Variants in ZNF732 observed in about 807,000 individuals in gnomAD.
ZNF732 encodes zinc finger protein LOC654254.
Under a neutral mutation model 11.5 loss-of-function variants are expected in ZNF732, and 12 were observed. The ratio of observed to expected loss-of-function variants is 1.05; its 90% CI spans 0.67 to 1.70. ZNF732 has a LOEUF of 1.70. Among genes scored for constraint, ZNF732 ranks in the 40% most tolerant of loss-of-function variants. The probability of loss-of-function intolerance (pLI) is 0.00; values close to 1 mark genes in which losing one functional copy is unlikely to be tolerated. For missense variants in ZNF732, 702 were observed against 676.9 expected, an observed-to-expected ratio of 1.04 and a Z score of -0.41; for synonymous variants, 231 against 236.5, an observed-to-expected ratio of 0.98 and a Z score of 0.21.
In ZNF732 at chr4:271,092, C is replaced by T. The variant is rs537037141; in HGVS notation, c.*7G>A. 28 of 1,500,010 alleles carry T rather than the reference C, an allele frequency of 1.9e-5. No individual in the cohort carries two copies. The African/African-American group carries it at 3.8e-4, about 20-fold the overall frequency. 92.9% of individuals were successfully genotyped at this position (1,500,010 alleles called of 1,614,324 possible). On this transcript the variant is annotated 3_prime_UTR_variant, in exon 4 of 4. Transcript: ENST00000419098. The stretch of plus-strand genomic sequence containing the variant: ...CATCCAAAGGCTTTGCCACATTCTT[C>T]ATATTTCTAGAGTTTCTCTCCAGTA...
intron 1 of ZNF732, among the ~76,000 whole-genome samples, chr4:298,384 G>A (rs953752297): frequency 1.3e-5 from 2 of 151,770 alleles, no homozygotes; most frequent in Non-Finnish European, 2.9e-5. Context: ...TTAGCTTATG[G>A]ATTAGTTTGA....
intron 3 of ZNF732, among the ~76,000 whole-genome samples, chr4:284,234 T>C (rs1719678459): frequency 6.6e-6 from 1 of 152,098 alleles, no homozygotes; most frequent in African/African-American, 2.4e-5. Context: ...AGTTTTTAAA[T>C]TACAATTTTA....
chr4:304,972 G>C (rs1301502464), intron 1 of ZNF732, among the ~76,000 whole-genome samples: 1 of 152,206 alleles, frequency 6.6e-6, no homozygotes, highest in Admixed American at 6.5e-5. Flanking sequence ...TTCCGAACAG[G>C]GTAAAGTAGG....
chr4:299,914 G>A (rs1720077623), intron 1 of ZNF732, among the ~76,000 whole-genome samples: 1 of 142,750 alleles, frequency 7.0e-6, no homozygotes, highest in Admixed American at 7.1e-5. Context: ...ATGTTGGCCA[G>A]TCTGGTCTCG....
At chr4:272,870 T>C (rs79366248) in intron 3 of ZNF732, among the ~76,000 whole-genome samples, 21,561 of 152,058 alleles carry the variant, frequency 0.14, 1,915 homozygotes, top group Admixed American at 0.25. Context: ...AAGAGCCACA[T>C]AGAACAGGAT....
intron 3 of ZNF732, among the ~76,000 whole-genome samples, chr4:278,927 T>C (rs1719557171): frequency 6.6e-6 from 1 of 152,222 alleles, no homozygotes. Context: ...TAAATATATA[T>C]ATCTCCTTTT....
chr4:271,711 A>C lies in ZNF732; in HGVS notation c.1146T>G (p.Ser382Arg). The change falls in exon 4 of 4, where the codon AGT (serine) becomes AGG (arginine). Residue 382 changes from serine (S) to arginine (R), a missense_variant. Ser to Arg is a moderately radical substitution (Grantham distance 110). Around this residue, in one of 3 missense-constraint regions of ZNF732, gnomAD observed 596 missense variants for 557.9 expected, o/e 1.07. Coordinates refer to ENST00000419098, the MANE Select transcript of ZNF732 (RefSeq NM_001137608.3). ...TGTAGGGTTTCTCTCCAGTATGAAT[A>C]CTCTTATGTTTATTAAGGGTTGCGG... Reference protein sequence around the residue: ...RQSATLNKHKSIHTGEKPYTC... With the variant: ...RQSATLNKHKRIHTGEKPYTC... 5 of 1,582,002 alleles carry C rather than the reference A, an allele frequency of 3.2e-6. No homozygotes were observed. Among genetic ancestry groups the C allele is most frequent in the Middle Eastern group, 1.7e-4 (1 of 5,906 alleles).
intron 3 of ZNF732, among the ~76,000 whole-genome samples, chr4:288,464 TAC>T (rs1480292841): frequency 6.6e-6 from 1 of 152,240 alleles, no homozygotes; most frequent in African/African-American, 2.4e-5. Context: ...CCCATGTGGA[TAC>T]AGAGTATTCC....
intron 1 of ZNF732, among the ~76,000 whole-genome samples, chr4:301,758 A>G (rs958437858): frequency 1.3e-5 from 2 of 152,210 alleles, no homozygotes; most frequent in Non-Finnish European, 2.9e-5. Flanking sequence ...TAGGAGATAT[A>G]CCTAATATAA....
Position 289,902 on chromosome 4 carries a change from A to G in ZNF732, c.226+5536T>C, listed in dbSNP as rs1719805512. ...ATGTGAGATTTGACTGCAGACACAG[A>G]TCCAAGCCATATTATTTACAAAAGC... On this transcript the variant is annotated intron_variant, in intron 3 of 3. Coordinates refer to ENST00000419098, the MANE Select transcript of ZNF732 (RefSeq NM_001137608.3). Among the ~76,000 whole-genome samples, 3 of 152,190 alleles carry G rather than the reference A, an allele frequency of 2.0e-5. No homozygotes were observed. In the South Asian group the frequency reaches 6.2e-4, roughly 31 times the overall value.
rs192335437 is a variant in ZNF732, at chr4:281,244, G to A, written c.227-8614C>T. The stretch of plus-strand genomic sequence containing the variant: ...TCCTACCCACCTAGAAATCCACAGG[G>A]AGAAATACCGTTAACCCAGAAAAAG... On this transcript the variant is annotated intron_variant, in intron 3 of 3. Coordinates refer to ENST00000419098, the MANE Select transcript of ZNF732 (RefSeq NM_001137608.3). Among the ~76,000 whole-genome samples, 267 of 152,274 alleles carry A rather than the reference G, an allele frequency of 1.8e-3. 2 individuals carry two copies. The highest frequency in any genetic ancestry group is 5.8e-3 in the African/African-American group (241 of 41,564).
rs1553837029 is a variant in ZNF732 at position 270,854 on chromosome 4, G to T, written c.*245C>A. The T allele has an allele frequency of 2.9e-6, 2 of 693,084 alleles. No homozygotes were observed. The allele number at this position is 693,084 out of a possible 1,614,324, so 42.9% of individuals were successfully genotyped here. On this transcript the variant is annotated 3_prime_UTR_variant, in exon 4 of 4. Coordinates refer to ENST00000419098, the MANE Select transcript of ZNF732 (RefSeq NM_001137608.3). The stretch of plus-strand genomic sequence containing the variant: ...TTGCCACATTCTTCACATTTGTAGG[G>T]TTGCTCTCCAGCATCAATTTTCTTA...
chr4:281,141 T>G (rs1292792893), intron 3 of ZNF732, among the ~76,000 whole-genome samples: 1 of 152,232 alleles, frequency 6.6e-6, no homozygotes, highest in African/African-American at 2.4e-5. Flanking sequence ...GCATGCTGGC[T>G]GACTTTATTC....
chr4:289,247 A>T (rs1438937325), intron 3 of ZNF732, among the ~76,000 whole-genome samples: 2 of 152,228 alleles, frequency 1.3e-5, no homozygotes, highest in African/African-American at 2.4e-5. Flanking sequence ...CTTGGGTAGT[A>T]GGAAGAAGGA....
intron 2 of ZNF732, 37 bp downstream of exon 2, chr4:295,992 G>A (rs1204984601): frequency 2.5e-6 from 4 of 1,597,062 alleles, no homozygotes; most frequent in East Asian, 2.2e-5. Context: ...AACTCCCTGA[G>A]GGAGTATTAG....
rs961350049 is a variant in ZNF732 at position 305,257 on chromosome 4, C to T, written c.3+51G>A. The T allele has an allele frequency of 3.4e-5, 54 of 1,589,816 alleles. No homozygotes were observed. The Middle Eastern group carries it at 7.0e-4, about 21-fold the overall frequency. On this transcript the variant is annotated intron_variant, in intron 1 of 3. Coordinates refer to ENST00000419098, the MANE Select transcript of ZNF732 (RefSeq NM_001137608.3). ...CCGTCCCGCCGCCGCCATTTCCCGC[C>T]GGTTCGGATGAGGCCTCCCCAGCCT... is the stretch of plus-strand genomic sequence containing the variant.
intron 3 of ZNF732, among the ~76,000 whole-genome samples, chr4:294,130 T>C (rs1553841809): frequency 6.6e-6 from 1 of 152,162 alleles, no homozygotes; most frequent in Non-Finnish European, 1.5e-5. Context: ...GCCTCCCAAG[T>C]AGCTGGATTA....
At chr4:301,604 A>T (rs1401195380) in intron 1 of ZNF732, among the ~76,000 whole-genome samples, 1 of 152,218 alleles carries the variant, frequency 6.6e-6, no homozygotes, top group Non-Finnish European at 1.5e-5. Flanking sequence ...CATTCTCAGC[A>T]AACTATCACA....
At chr4:296,271 A>G in intron 1 of ZNF732, 116 bp from the exon 2 acceptor site, 1 of 1,377,162 alleles carries the variant, frequency 7.3e-7, no homozygotes, top group Admixed American at 2.6e-5. Flanking sequence ...AATAACTTTC[A>G]ACACAGTAAT....
Sources: allele counts gnomAD v4.1 joint callset (sites outside exome capture counted in the v4.1 genomes callset), GRCh38; gene constraint gnomAD v4.1.1; regional missense constraint gnomAD v4.1.1; transcripts MANE v1.5; gene names NCBI Gene and HGNC (gene_info 2026-07-23, HGNC 2026-07-21).